Variants in ZNF101 observed in about 807,000 individuals in gnomAD.
The protein encoded by ZNF101 is zinc finger protein 101, also known as zinc finger protein 101 (Y2).
A neutral mutation model predicts 42.6 loss-of-function variants in ZNF101; 34 were observed. The observed-to-expected ratio is 0.80, with a 90% CI of 0.61 to 1.06. ZNF101 has a LOEUF of 1.06. ZNF101 is among the 50% of genes least tolerant of loss of function. The pLI is 0.00. For missense variants in ZNF101, 466 were observed against 530.9 expected (o/e 0.88, Z 1.20); for synonymous variants, 158 against 183.9 (o/e 0.86, Z 1.14).
intron 1 of ZNF101, among the ~76,000 whole-genome samples, chr19:19,672,942 T>C (rs1254872874): frequency 1.3e-5 from 2 of 152,066 alleles, no homozygotes; most frequent in African/African-American, 4.8e-5. Flanking sequence ...CCAAATAATG[T>C]AAAGTCTTTT....
At chr19:19,679,108 T>C in intron 3 of ZNF101, 73 bp from the exon 4 acceptor site, 1 of 1,556,424 alleles carries the variant, frequency 6.4e-7, no homozygotes, top group Non-Finnish European at 8.7e-7. Flanking sequence ...GCAGCATAAG[T>C]CTTAAGACAT....
At chr19:19,675,472 C>G (rs1418922379) in intron 1 of ZNF101, among the ~76,000 whole-genome samples, 3 of 152,082 alleles carry the variant, frequency 2.0e-5, no homozygotes, top group African/African-American at 4.8e-5. Flanking sequence ...TCTCCTGCTA[C>G]TACAGCTCTG....
At position 19,679,972 on chromosome 19, in the gene ZNF101, A is replaced by G. The variant is rs2062229084; in HGVS notation, c.983A>G (p.His328Arg). ...AGATGTCCCACGTCCCTTCAAGCACATGAAAGAGCTCACACTGGAGAAAGA... is the reference window on the plus strand; with the variant it reads ...AGATGTCCCACGTCCCTTCAAGCACGTGAAAGAGCTCACACTGGAGAAAGA... ...VFRCPTSLQA[H>R]ERAHTGERPY... The change falls in exon 4 of 4, where the codon CAT becomes CGT. Residue 328 changes from histidine (H) to arginine (R), a missense_variant. Transcript: ENST00000592502. The G allele has an allele frequency of 6.2e-7, 1 of 1,614,052 alleles. No homozygotes were observed. Among genetic ancestry groups the G allele is most frequent in the African/African-American group, 1.3e-5 (1 of 75,032 alleles).
Position 19,679,977 on chromosome 19 carries a change from A to T in ZNF101, c.988A>T (p.Arg330Ter). Residue 330 changes from arginine to a stop codon, truncating the protein, a stop_gained, in exon 4 of 4, where the codon AGA becomes TGA. Coordinates refer to ENST00000592502, the MANE Select transcript of ZNF101 (RefSeq NM_033204.4). LOFTEE classifies it high-confidence loss of function. ...RCPTSLQAHE[R>*]AHTGERPYEC... ...TCCCACGTCCCTTCAAGCACATGAA[A>T]GAGCTCACACTGGAGAAAGACCTTA... The T allele has an allele frequency of 6.2e-7, 1 of 1,614,038 alleles. No individual in the cohort carries two copies. Among genetic ancestry groups the T allele is most frequent in the Non-Finnish European group, 8.5e-7 (1 of 1,179,970 alleles).
At chr19:19,668,378 T>C (rs960200596), upstream of ZNF101, among the ~76,000 whole-genome samples, 14 of 152,058 alleles carry the variant, frequency 9.2e-5, no homozygotes, top group African/African-American at 2.9e-4. Context: ...AGCTTTGTTA[T>C]GCAAGGTGGG....
At position 19,679,164 on chromosome 19, in the gene ZNF101, TTTGTCATTTTTC is replaced by T; in HGVS notation, c.192-16_192-5del. The T allele has an allele frequency of 6.2e-7, 1 of 1,606,396 alleles. No homozygotes were observed. Among genetic ancestry groups the T allele is most frequent in the African/African-American group, 1.3e-5 (1 of 74,774 alleles). The stretch of plus-strand genomic sequence containing the variant: ...TAATAAACCAAGCATTGATAATGCG[TTTGTCATTTTTC>T]ATAGAAGTCTGGTGGAGAGACTCTG... On this transcript the variant is annotated splice_region_variant and splice_polypyrimidine_tract_variant and intron_variant, in intron 3 of 3. Coordinates refer to ENST00000592502, the MANE Select transcript of ZNF101 (RefSeq NM_033204.4).
chr19:19,671,763 T>G (rs931092203), intron 1 of ZNF101, among the ~76,000 whole-genome samples: 2 of 152,148 alleles, frequency 1.3e-5, no homozygotes, highest in Non-Finnish European at 2.9e-5. Flanking sequence ...CCTCCCAAAG[T>G]GCTGGGATTA....
intron 1 of ZNF101, among the ~76,000 whole-genome samples, chr19:19,671,131 A>G (rs940815488): frequency 6.6e-6 from 1 of 152,146 alleles, no homozygotes; most frequent in Non-Finnish European, 1.5e-5. Flanking sequence ...AAAAAAAGGC[A>G]TGGTAGATAA....
At chr19:19,672,670 C>T (rs979811321) in intron 1 of ZNF101, among the ~76,000 whole-genome samples, 19 of 152,040 alleles carry the variant, frequency 1.2e-4, no homozygotes, top group Non-Finnish European at 2.2e-4. Context: ...GGATTACAGG[C>T]ACCTGCCACC....
chr19:19,669,505 TA>T (rs1335668412), intron 1 of ZNF101, among the ~76,000 whole-genome samples: 1 of 152,168 alleles, frequency 6.6e-6, no homozygotes. Flanking sequence ...TTATTTCTAT[TA>T]TTTTTGAGAC....
chr19:19,668,851 G>T lies in ZNF101; in HGVS notation c.-113G>T. ...CCGCCGGCCCCCCATTCGGGTCCGG[G>T]TTTTAGTTCCTCGGGGAGCCCCTGG... On this transcript the variant is annotated 5_prime_UTR_variant, in exon 1 of 4. Transcript: ENST00000592502. 2.2e-6 allele frequency: 3 copies of T among 1,394,534 alleles called. No individual in the cohort carries two copies. Among genetic ancestry groups the T allele is most frequent in the Non-Finnish European group, 2.9e-6 (3 of 1,043,830 alleles). 86.4% of individuals were successfully genotyped at this position (1,394,534 alleles called of 1,614,324 possible).
rs1387516419 is a variant in ZNF101, at chr19:19,680,055, CAT to C, written c.1068_1069del (p.His356GlnfsTer5). The C allele has an allele frequency of 1.9e-6, 3 of 1,613,710 alleles. No homozygotes were observed. The highest frequency in any genetic ancestry group is 2.5e-6 in the Non-Finnish European group (3 of 1,179,902). On this transcript the variant is annotated frameshift_variant, in exon 4 of 4. Transcript: ENST00000592502. LOFTEE classifies it high-confidence loss of function. ...CAATTATCCCAGTTGTTTTCGAAGA[CAT>C]AAAAAAACTCATAGTGGAGAAAAGC... ...TFNYPSCFRR[H>X]KKTHSGEKPY...
rs1216987949 is a variant in ZNF101 at position 19,677,956 on chromosome 19, G to C, written c.96G>C (p.Val32=). The C allele has an allele frequency of 6.2e-7, 1 of 1,612,316 alleles. No individual in the cohort carries two copies. The highest frequency in any genetic ancestry group is 8.5e-7 in the Non-Finnish European group (1 of 1,179,000). ...SPSQKNLYRD[V]TLETFRNLAS... is the part of the protein sequence containing the mutation. ...CCCAGAAGAATCTCTACAGAGATGT[G>C]ACGCTGGAAACCTTCAGGAACCTGG... Residue 32 remains valine (V), a synonymous_variant, in exon 2 of 4, where the codon GTG becomes GTC. Coordinates refer to ENST00000592502, the MANE Select transcript of ZNF101 (RefSeq NM_033204.4).
intron 1 of ZNF101, among the ~76,000 whole-genome samples, chr19:19,671,003 G>T (rs1213635706): frequency 3.3e-5 from 5 of 152,238 alleles, no homozygotes; most frequent in Non-Finnish European, 7.3e-5. Flanking sequence ...ATATTCTGGA[G>T]GCTGAGGCAG....
intron 1 of ZNF101, among the ~76,000 whole-genome samples, chr19:19,674,255 C>G (rs1320465921): frequency 6.6e-6 from 1 of 152,180 alleles, no homozygotes; most frequent in Non-Finnish European, 1.5e-5. Flanking sequence ...CAGCTCACTG[C>G]AACCTCTGCC....
chr19:19,669,057 G>T, intron 1 of ZNF101, 91 bp downstream of exon 1: 1 of 1,499,182 alleles, frequency 6.7e-7, no homozygotes, highest in Admixed American at 2.0e-5. Flanking sequence ...CGGCGACTGT[G>T]GGGGTCTGGG....
intron 1 of ZNF101, among the ~76,000 whole-genome samples, chr19:19,670,133 C>T (rs2062159411): frequency 6.6e-6 from 1 of 152,146 alleles, no homozygotes; most frequent in Non-Finnish European, 1.5e-5. Context: ...CGTGGTTAAT[C>T]TTTCCTGGTT....
intron 1 of ZNF101, among the ~76,000 whole-genome samples, chr19:19,671,743 C>T (rs987709924): frequency 2.0e-5 from 3 of 152,088 alleles, no homozygotes; most frequent in Non-Finnish European, 4.4e-5. Context: ...TCGTGATCCG[C>T]CCGCCTCGGC....
At chr19:19,677,765 G>A (rs920588356) in intron 1 of ZNF101, 99 bp from the exon 2 acceptor site, 64 of 1,514,994 alleles carry the variant, frequency 4.2e-5, no homozygotes, top group Non-Finnish European at 5.6e-5. Flanking sequence ...TGGAGTGAGT[G>A]TTTGGAGAGC....
Sources: allele counts gnomAD v4.1 joint callset (sites outside exome capture counted in the v4.1 genomes callset), GRCh38; gene constraint gnomAD v4.1.1; transcripts MANE v1.5; gene names NCBI Gene and HGNC (gene_info 2026-07-23, HGNC 2026-07-21).